The following SFMBT2 variants were observed in gnomAD, a reference collection of about 807,000 sequenced individuals.
SFMBT2 encodes scm-like with four MBT domains protein 2.
Under a neutral mutation model 110.1 loss-of-function variants are expected in SFMBT2, and 38 were observed. The ratio of observed to expected loss-of-function variants is 0.35; its 90% CI spans 0.27 to 0.45. The LOEUF is 0.45. Ranked by LOEUF, SFMBT2 falls within the 20% of genes least tolerant of loss-of-function variation. The pLI is 1.00. For missense variants in SFMBT2, 1,011 were observed against 1,094.9 expected, an observed-to-expected ratio of 0.92 and a Z score of 1.08; for synonymous variants, 425 against 425.4, an observed-to-expected ratio of 1.00 and a Z score of 0.01.
chr10:7,194,427 A>C (rs1351724597), intron 15 of SFMBT2, among the ~76,000 whole-genome samples: 2 of 152,190 alleles, frequency 1.3e-5, no homozygotes, highest in African/African-American at 4.8e-5. Context: ...AGCCTTGCCA[A>C]AGACCATGTC....
At chr10:7,220,577 G>A (rs769760159) in intron 10 of SFMBT2, 40 bp from the exon 11 acceptor site, 13 of 1,611,334 alleles carry the variant, frequency 8.1e-6, no homozygotes, top group Middle Eastern at 3.3e-4. Context: ...CAGTGCTGAC[G>A]CAGCAGGACA....
At chr10:7,185,717 A>G (rs138935667) in intron 16 of SFMBT2, among the ~76,000 whole-genome samples, 1 of 152,368 alleles carries the variant, frequency 6.6e-6, no homozygotes, top group African/African-American at 2.4e-5. Context: ...AGATGATCAC[A>G]AAAGCCATTC....
intron 7 of SFMBT2, among the ~76,000 whole-genome samples, chr10:7,262,593 C>G (rs1841242271): frequency 6.6e-6 from 1 of 152,208 alleles, no homozygotes; most frequent in South Asian, 2.1e-4. Flanking sequence ...ACTCCCGGAG[C>G]AGATAACTGA....
At chr10:7,389,403 T>C (rs561336148) in intron 1 of SFMBT2, among the ~76,000 whole-genome samples, 4 of 152,240 alleles carry the variant, frequency 2.6e-5, no homozygotes, top group Non-Finnish European at 1.5e-5. Flanking sequence ...TCTTAAGCTA[T>C]ACGTAATTTC....
chr10:7,256,102 G>A (rs1219709605), intron 7 of SFMBT2, among the ~76,000 whole-genome samples: 2 of 152,152 alleles, frequency 1.3e-5, no homozygotes, highest in African/African-American at 4.8e-5. Context: ...ACTGTGGGGT[G>A]GAATCCCTCT....
chr10:7,226,942 A>T (rs1168616298), intron 10 of SFMBT2, among the ~76,000 whole-genome samples: 16 of 152,172 alleles, frequency 1.1e-4, no homozygotes. Flanking sequence ...CACAACAATG[A>T]AGCGGCCTGA....
intron 4 of SFMBT2, chr10:7,320,642 G>A (rs1385507398): frequency 2.1e-6 from 2 of 975,274 alleles, no homozygotes; most frequent in African/African-American, 1.9e-5. Context: ...CATTCTGGGA[G>A]GTTAAGTAAT....
intron 7 of SFMBT2, among the ~76,000 whole-genome samples, chr10:7,270,929 T>A (rs1010790466): frequency 6.6e-6 from 1 of 152,280 alleles, no homozygotes; most frequent in South Asian, 2.1e-4. Context: ...ACCTTTTGAG[T>A]CTTAGTATTC....
At chr10:7,322,495 G>A (rs979911805) in intron 4 of SFMBT2, among the ~76,000 whole-genome samples, 1 of 152,094 alleles carries the variant, frequency 6.6e-6, no homozygotes. Context: ...AACAATGACT[G>A]CCCTATATAC....
chr10:7,311,045 C>CAAAAA (rs201310544), intron 4 of SFMBT2, among the ~76,000 whole-genome samples: 9 of 96,842 alleles, frequency 9.3e-5, no homozygotes, highest in Non-Finnish European at 1.2e-4. Context: ...AACTCCATCT[C>CAAAAA]AAAAAAAAAA....
At position 7,159,996 on chromosome 10, in the gene SFMBT2, C is replaced by G. The variant is rs1403258818; in HGVS notation, c.*3774G>C. ...ATCAAAATCAACCTTCTAGAGAGGG[C>G]AGTGTTCAAGGTGTGGATCATTTTA... On this transcript the variant is annotated 3_prime_UTR_variant, in exon 21 of 21. Coordinates refer to ENST00000397167, the MANE Select transcript of SFMBT2 (RefSeq NM_001387889.1). The G allele has an allele frequency of 6.6e-6, 1 of 152,130 alleles. No homozygotes were observed. The highest frequency in any genetic ancestry group is 2.4e-5 in the African/African-American group (1 of 41,434). 9.4% of individuals were successfully genotyped at this position (152,130 alleles called of 1,614,324 possible). A position where few individuals can be genotyped will look rare whatever the true frequency, so the allele number is the denominator to read the frequency against.
In SFMBT2 at chr10:7,180,390, T is replaced by C. The variant is rs184858443; in HGVS notation, c.1809-4225A>G. ...CTGACCTCAAGTGATCTGCCCGCCT[T>C]GGCCTCCCAAAGTGCTGGGATTACA... On this transcript the variant is annotated intron_variant, in intron 16 of 20. Transcript: ENST00000397167. Among the ~76,000 whole-genome samples, 860 of 151,864 alleles carry C rather than the reference T, an allele frequency of 5.7e-3. 20 individuals carry two copies. The highest frequency in any genetic ancestry group is 0.044 in the Admixed American group (676 of 15,230).
intron 1 of SFMBT2, among the ~76,000 whole-genome samples, chr10:7,392,956 T>C (rs530943227): frequency 7.1e-6 from 1 of 140,686 alleles, no homozygotes; most frequent in South Asian, 2.3e-4. Flanking sequence ...ATCCTGTCTA[T>C]CCTATATATA....
At chr10:7,209,708 G>A (rs910650422) in intron 11 of SFMBT2, among the ~76,000 whole-genome samples, 3 of 152,232 alleles carry the variant, frequency 2.0e-5, no homozygotes, top group African/African-American at 4.8e-5. Flanking sequence ...AATCTGGAAG[G>A]AAATGCAAAA....
Position 7,172,798 on chromosome 10 carries a change from C to G in SFMBT2, c.1985-137G>C. 5 of 1,102,938 alleles carry G rather than the reference C, an allele frequency of 4.5e-6. No homozygotes were observed. Among genetic ancestry groups the G allele is most frequent in the Non-Finnish European group, 5.1e-6 (4 of 783,622 alleles). 68.3% of individuals were successfully genotyped at this position (1,102,938 alleles called of 1,614,324 possible). ...GCCTTACGAAGTCATTCTGAGAAAA[C>G]AGACCCACAGGAGAAGCACTGCTCC... On this transcript the variant is annotated intron_variant, in intron 17 of 20. Coordinates refer to ENST00000397167, the MANE Select transcript of SFMBT2 (RefSeq NM_001387889.1). The surrounding 1 kb of genome is among the most constrained non-coding windows in gnomAD (Gnocchi z 4.6).
intron 4 of SFMBT2, among the ~76,000 whole-genome samples, chr10:7,342,679 G>C (rs143040875): frequency 6.6e-6 from 1 of 151,998 alleles, no homozygotes; most frequent in African/African-American, 2.4e-5. Context: ...TTACAGGCGT[G>C]AGCCACCACG....
chr10:7,335,525 A>G (rs1843692638), intron 4 of SFMBT2, among the ~76,000 whole-genome samples: 1 of 151,640 alleles, frequency 6.6e-6, no homozygotes, highest in Admixed American at 6.6e-5. Context: ...AACGTCCAAT[A>G]AATTTCTCTT....
intron 9 of SFMBT2, among the ~76,000 whole-genome samples, chr10:7,237,539 C>G (rs994903403): frequency 1.3e-5 from 2 of 152,074 alleles, no homozygotes; most frequent in Admixed American, 6.5e-5. Flanking sequence ...AGCATGTAAT[C>G]TTTAGGAGGG....
Position 7,164,530 on chromosome 10 carries a change from C to G in SFMBT2, c.2545-620G>C, listed in dbSNP as rs1382524383. On this transcript the variant is annotated intron_variant, in intron 20 of 20. Coordinates refer to ENST00000397167, the MANE Select transcript of SFMBT2 (RefSeq NM_001387889.1). ...CGGGAATTGCTTCCCAAGCTTATCG[C>G]CCCTTGCTGGGAGGGCAAGTCACTC... The G allele has an allele frequency of 3.7e-5, 30 of 810,386 alleles. No individual in the cohort carries two copies. The East Asian group carries it at 3.1e-3, about 84-fold the overall frequency. The allele number at this position is 810,386 out of a possible 1,614,324, so 50.2% of individuals were successfully genotyped here.
Sources: allele counts gnomAD v4.1 joint callset (sites outside exome capture counted in the v4.1 genomes callset), GRCh38; gene constraint gnomAD v4.1.1; non-coding constraint Gnocchi (gnomAD v3.1); transcripts MANE v1.5; gene names NCBI Gene and HGNC (gene_info 2026-07-23, HGNC 2026-07-21).